The following TUFT1 variants were observed in gnomAD, a reference collection of about 807,000 sequenced individuals.
The protein encoded by TUFT1 is tuftelin 1.
Under a neutral mutation model 57.8 loss-of-function variants are expected in TUFT1, and 43 were observed. That is an observed-to-expected ratio of 0.74 (90% confidence interval 0.58 to 0.96). The LOEUF is 0.96. Ranked by LOEUF, TUFT1 falls within the 40% of genes least tolerant of loss-of-function variation. The pLI is 0.00. For missense variants in TUFT1, 459 were observed against 489.0 expected (o/e 0.94, Z 0.58); for synonymous variants, 166 against 176.7 (o/e 0.94, Z 0.48).
At chr1:151,566,445 T>G (rs1666083976) in intron 6 of TUFT1, among the ~76,000 whole-genome samples, 1 of 152,060 alleles carries the variant, frequency 6.6e-6, no homozygotes, top group Admixed American at 6.6e-5. Context: ...CAGATTGAAG[T>G]GGGTGGATCT....
At chr1:151,577,865 A>T (rs12729409) in intron 9 of TUFT1, among the ~76,000 whole-genome samples, 99 of 151,468 alleles carry the variant, frequency 6.5e-4, no homozygotes, top group Middle Eastern at 3.2e-3. Flanking sequence ...TACAAAAAAA[A>T]TTTTTTTTTA....
At position 151,554,695 on chromosome 1, in the gene TUFT1, C is replaced by CCTTTTTTTTTTTTTTTTTTTTT. The variant is rs1553249393; in HGVS notation, c.61-7396_61-7395insCTTTTTTTTTTTTTTTTTTTTT. 4.7e-5 allele frequency among the ~76,000 whole-genome samples: 4 copies of CCTTTTTTTTTTTTTTTTTTTTT among 85,652 alleles called. 2 individuals carry two copies. 56.2% of individuals were successfully genotyped at this position (85,652 alleles called of 152,430 possible). A position where few individuals can be genotyped will look rare whatever the true frequency, so the allele number is the denominator to read the frequency against. ...ACTGTGAACCACTGTGCCCGGCCCCCTTTTTTTTTTTTTTTTTTTTTTTTT... is the reference window on the plus strand; with the variant it reads ...ACTGTGAACCACTGTGCCCGGCCCCCCTTTTTTTTTTTTTTTTTTTTTTTTTTTTTTTTTTTTTTTTTTTTTT... On this transcript the variant is annotated intron_variant, in intron 1 of 12. Coordinates refer to ENST00000368849, the MANE Select transcript of TUFT1 (RefSeq NM_020127.3).
chr1:151,555,680 G>A (rs1158970915), intron 1 of TUFT1, among the ~76,000 whole-genome samples: 1 of 150,982 alleles, frequency 6.6e-6, no homozygotes, highest in Non-Finnish European at 1.5e-5. Flanking sequence ...GGGAAGCTGA[G>A]GCAGGAGAAT....
Position 151,566,146 on chromosome 1 carries a change from T to C in TUFT1, c.415-17T>C. ...TTTCATCTGTTTTAACTACCAATTT[T>C]ATTTTTCTTTGAACAGGTGGTGCTA... On this transcript the variant is annotated splice_polypyrimidine_tract_variant and intron_variant, in intron 5 of 12. Transcript: ENST00000368849. 2 of 1,589,960 alleles carry C rather than the reference T, an allele frequency of 1.3e-6. No individual in the cohort carries two copies. Among genetic ancestry groups the C allele is most frequent in the Non-Finnish European group, 1.7e-6 (2 of 1,165,864 alleles).
chr1:151,580,953 G>T lies in TUFT1; in HGVS notation c.1020G>T (p.Met340Ile). The change falls in exon 12 of 13, where the codon ATG becomes ATT. Residue 340 changes from methionine (M) to isoleucine (I), a missense_variant. Coordinates refer to ENST00000368849, the MANE Select transcript of TUFT1 (RefSeq NM_020127.3). ...AGCTTGTGTTACAGAATTTAGAGAT[G>T]CATGACCGGATGGAACACCTGATAG... ...IAYLEAENLEMHDRMEHLIEK... is the reference protein window; with the variant it reads ...IAYLEAENLEIHDRMEHLIEK... 1.2e-6 allele frequency: 2 copies of T among 1,614,148 alleles called. No homozygotes were observed. The highest frequency in any genetic ancestry group is 1.7e-6 in the Non-Finnish European group (2 of 1,180,008).
At chr1:151,568,814 A>T (rs1000764065) in intron 6 of TUFT1, among the ~76,000 whole-genome samples, 1 of 152,156 alleles carries the variant, frequency 6.6e-6, no homozygotes, top group Non-Finnish European at 1.5e-5. Flanking sequence ...GCTGTACCGG[A>T]TGTTATCTTA....
chr1:151,556,858 C>T (rs1440574191), intron 1 of TUFT1, among the ~76,000 whole-genome samples: 1 of 152,108 alleles, frequency 6.6e-6, no homozygotes, highest in Admixed American at 6.5e-5. Context: ...AATCCCAGTT[C>T]AGTTACGTGG....
chr1:151,567,923 A>C (rs1666134535), intron 6 of TUFT1, among the ~76,000 whole-genome samples: 1 of 152,208 alleles, frequency 6.6e-6, no homozygotes. Context: ...TATTGTAGAA[A>C]ATTTGGAAAA....
chr1:151,543,943 C>T (rs1665248445), intron 1 of TUFT1, among the ~76,000 whole-genome samples: 1 of 151,512 alleles, frequency 6.6e-6, no homozygotes. Context: ...TTTCATTTCC[C>T]TCCTTCCCTC....
intron 9 of TUFT1, 27 bp from the exon 10 acceptor site, chr1:151,578,694 C>T: frequency 6.5e-7 from 1 of 1,531,422 alleles, no homozygotes; most frequent in Non-Finnish European, 8.8e-7. Context: ...TGTTCCATTG[C>T]CTCAGCCTTC....
chr1:151,571,127 G>A (rs1339968186), intron 7 of TUFT1, among the ~76,000 whole-genome samples: 1 of 152,200 alleles, frequency 6.6e-6, no homozygotes, highest in Non-Finnish European at 1.5e-5. Flanking sequence ...AGCCTGCCTA[G>A]GCATGCTAGG....
intron 1 of TUFT1, among the ~76,000 whole-genome samples, chr1:151,556,910 G>T (rs1665718104): frequency 6.6e-6 from 1 of 152,140 alleles, no homozygotes; most frequent in South Asian, 2.1e-4. Flanking sequence ...GGAGGCAGAG[G>T]TTGCAGTGAG....
chr1:151,581,875 G>T lies in TUFT1; in HGVS notation c.*168G>T. On this transcript the variant is annotated 3_prime_UTR_variant, in exon 13 of 13. Transcript: ENST00000368849. ...CCCAAGCCCCTGGCCACTCTAAGCTGGGCAGACGGAGCACGAGCACCTATT... is the reference window on the plus strand; with the variant it reads ...CCCAAGCCCCTGGCCACTCTAAGCTTGGCAGACGGAGCACGAGCACCTATT... The T allele has an allele frequency of 1.5e-6, 1 of 688,480 alleles. No homozygotes were observed. The highest frequency in any genetic ancestry group is 1.8e-5 in the African/African-American group (1 of 56,328). The allele number at this position is 688,480 out of a possible 1,614,324, so 42.6% of individuals were successfully genotyped here.
chr1:151,576,799 A>AT, intron 9 of TUFT1, among the ~76,000 whole-genome samples: 1 of 151,984 alleles, frequency 6.6e-6, no homozygotes. Context: ...AATTTTGTGT[A>AT]TTTTTAGTAG....
intron 1 of TUFT1, among the ~76,000 whole-genome samples, chr1:151,555,430 T>C (rs1334925340): frequency 6.6e-6 from 1 of 151,622 alleles, no homozygotes; most frequent in East Asian, 1.9e-4. Flanking sequence ...ATATTCTTTT[T>C]GTCCCTGCAA....
chr1:151,575,309 A>G (rs1666429106), intron 9 of TUFT1, among the ~76,000 whole-genome samples: 1 of 152,226 alleles, frequency 6.6e-6, no homozygotes, highest in Non-Finnish European at 1.5e-5. Context: ...GCTGTGTGTC[A>G]TTCCACAGAT....
intron 5 of TUFT1, among the ~76,000 whole-genome samples, chr1:151,565,739 G>A (rs1666049401): frequency 6.6e-6 from 1 of 152,152 alleles, no homozygotes; most frequent in East Asian, 1.9e-4. Context: ...GGATCCCTGG[G>A]GGCAAGGGAA....
intron 9 of TUFT1, among the ~76,000 whole-genome samples, chr1:151,578,108 C>T (rs1666536455): frequency 6.6e-6 from 1 of 151,916 alleles, no homozygotes; most frequent in Non-Finnish European, 1.5e-5. Flanking sequence ...GTTCATTACA[C>T]ATGAGACTGG....
At position 151,582,531 on chromosome 1, in the gene TUFT1, T is replaced by C. The variant is rs1666673801; in HGVS notation, c.*824T>C. The stretch of plus-strand genomic sequence containing the variant: ...GTCCCAGCAAAATCCTCTTTGTATT[T>C]ATTTTGCTAAGTTATTGGTGGTTTT... On this transcript the variant is annotated 3_prime_UTR_variant, in exon 13 of 13. Transcript: ENST00000368849. 4.3e-6 allele frequency: 1 copy of C among 231,494 alleles called. No individual in the cohort carries two copies. The highest frequency in any genetic ancestry group is 5.3e-5 in the Admixed American group (1 of 18,916). The allele number at this position is 231,494 out of a possible 1,614,324, so 14.3% of individuals were successfully genotyped here. A position where few individuals can be genotyped will look rare whatever the true frequency, so the allele number is the denominator to read the frequency against.
Sources: allele counts gnomAD v4.1 joint callset (sites outside exome capture counted in the v4.1 genomes callset), GRCh38; gene constraint gnomAD v4.1.1; transcripts MANE v1.5; gene names NCBI Gene and HGNC (gene_info 2026-07-23, HGNC 2026-07-21).